Variants in TMEM132C observed in about 807,000 individuals in gnomAD.
The protein encoded by TMEM132C is transmembrane protein 132C.
A neutral mutation model predicts 61.4 loss-of-function variants in TMEM132C; 29 were observed. The observed-to-expected ratio is 0.47, with a 90% CI of 0.35 to 0.64. TMEM132C has a LOEUF of 0.64. TMEM132C is among the 30% of genes least tolerant of loss of function. The pLI, the probability that TMEM132C is intolerant of heterozygous loss-of-function variation, is 0.00. For missense variants in TMEM132C, 1,408 were observed against 1,476.9 expected (o/e 0.95, Z 0.76); for synonymous variants, 656 against 633.1 (o/e 1.04, Z -0.54).
chr12:128,398,646 C>A (rs1441178333), intron 1 of TMEM132C, among the ~76,000 whole-genome samples: 2 of 152,224 alleles, frequency 1.3e-5, no homozygotes, highest in African/African-American at 4.8e-5. Context: ...GAATTCTTAG[C>A]TGTGTGACCT....
At chr12:128,401,603 A>G (rs1875160301) in intron 1 of TMEM132C, among the ~76,000 whole-genome samples, 1 of 152,174 alleles carries the variant, frequency 6.6e-6, no homozygotes, top group Non-Finnish European at 1.5e-5. Flanking sequence ...AAGTTTCATC[A>G]AAGTCTGATC....
At chr12:128,545,749 T>C (rs1873927197) in intron 3 of TMEM132C, among the ~76,000 whole-genome samples, 1 of 152,220 alleles carries the variant, frequency 6.6e-6, no homozygotes. Context: ...TGGCCACTTG[T>C]ATGTCCAAGA....
Position 128,414,554 on chromosome 12 carries a change from G to A in TMEM132C, c.86-178G>A, listed in dbSNP as rs557456190. ...CCTAATATAACTATATGCATAATTC[G>A]TGGACCATGTAGAATCGTTTAATGA... On this transcript the variant is annotated intron_variant, in intron 1 of 8. Transcript: ENST00000435159. Among the ~76,000 whole-genome samples the A allele has an allele frequency of 2.6e-5, 4 of 152,150 alleles. No individual in the cohort carries two copies. In the South Asian group the frequency reaches 6.2e-4, roughly 24 times the overall value.
chr12:128,491,961 G>A (rs1425828294), intron 2 of TMEM132C, among the ~76,000 whole-genome samples: 8 of 151,296 alleles, frequency 5.3e-5, no homozygotes, highest in Admixed American at 2.6e-4. Flanking sequence ...TTAACTCGTC[G>A]TTTACATTAG....
At chr12:128,409,735 C>T (rs1868466392) in intron 1 of TMEM132C, among the ~76,000 whole-genome samples, 1 of 152,146 alleles carries the variant, frequency 6.6e-6, no homozygotes, top group South Asian at 2.1e-4. Context: ...TCAGTATCGC[C>T]ACTCGGTGTG....
intron 1 of TMEM132C, among the ~76,000 whole-genome samples, chr12:128,364,291 T>TTC (rs367571547): frequency 1.5e-5 from 2 of 131,128 alleles, no homozygotes; most frequent in Non-Finnish European, 3.3e-5. Flanking sequence ...CCCCCTATCT[T>TTC]TCTCTCTCTC....
intron 2 of TMEM132C, among the ~76,000 whole-genome samples, chr12:128,512,311 C>A (rs1208839532): frequency 6.6e-6 from 1 of 152,096 alleles, no homozygotes; most frequent in African/African-American, 2.4e-5. Context: ...CAAATATAAG[C>A]AAGTATGATA....
intron 5 of TMEM132C, among the ~76,000 whole-genome samples, chr12:128,675,090 T>C (rs1954570549): frequency 6.6e-6 from 1 of 152,184 alleles, no homozygotes; most frequent in Non-Finnish European, 1.5e-5. Flanking sequence ...TTTTCTTTCC[T>C]TCATTCTTTC....
chr12:128,461,442 A>G (rs1870531717), intron 2 of TMEM132C, among the ~76,000 whole-genome samples: 1 of 151,468 alleles, frequency 6.6e-6, no homozygotes, highest in African/African-American at 2.4e-5. Context: ...AAAAACAAAC[A>G]AACAAAACAA....
intron 3 of TMEM132C, among the ~76,000 whole-genome samples, chr12:128,598,805 G>T (rs1876061729): frequency 6.7e-6 from 1 of 149,958 alleles, no homozygotes; most frequent in Non-Finnish European, 1.5e-5. Flanking sequence ...TTACTGTAAT[G>T]CTGGGACCAT....
chr12:128,376,530 C>A (rs1397625320), intron 1 of TMEM132C, among the ~76,000 whole-genome samples: 1 of 152,142 alleles, frequency 6.6e-6, no homozygotes, highest in Non-Finnish European at 1.5e-5. Flanking sequence ...AACTCATGAA[C>A]TTGAAGCATG....
chr12:128,498,486 G>A (rs1272057995), intron 2 of TMEM132C, among the ~76,000 whole-genome samples: 1 of 152,206 alleles, frequency 6.6e-6, no homozygotes, highest in South Asian at 2.1e-4. Context: ...GACCATCCTG[G>A]CTAACATGGT....
At chr12:128,406,212 A>G (rs1223411909) in intron 1 of TMEM132C, among the ~76,000 whole-genome samples, 2 of 152,200 alleles carry the variant, frequency 1.3e-5, no homozygotes, top group African/African-American at 4.8e-5. Context: ...AATGGTGTCT[A>G]CATTTTCCCT....
intron 1 of TMEM132C, among the ~76,000 whole-genome samples, chr12:128,276,112 G>A (rs1298044734): frequency 2.0e-5 from 3 of 152,174 alleles, no homozygotes; most frequent in Non-Finnish European, 4.4e-5. Flanking sequence ...TCTGAAAAGA[G>A]ATTTTTTTCT....
chr12:128,512,914 C>A (rs750968528), intron 2 of TMEM132C, among the ~76,000 whole-genome samples: 4 of 152,200 alleles, frequency 2.6e-5, no homozygotes, highest in Admixed American at 6.5e-5. Context: ...CGCTCTCAAT[C>A]TGAGTTCATG....
intron 1 of TMEM132C, among the ~76,000 whole-genome samples, chr12:128,305,582 CA>C (rs1871744836): frequency 1.3e-5 from 2 of 149,692 alleles, no homozygotes; most frequent in African/African-American, 4.9e-5. Flanking sequence ...TCTGGAATGA[CA>C]AAACCACAGC....
intron 1 of TMEM132C, among the ~76,000 whole-genome samples, chr12:128,290,850 A>AC (rs200027928): frequency 1.1e-3 from 159 of 147,340 alleles, no homozygotes; most frequent in Middle Eastern, 7.0e-3. Context: ...TCATTTAACA[A>AC]AAAAAAAAAA....
chr12:128,374,015 A>G (rs1313826574), intron 1 of TMEM132C, among the ~76,000 whole-genome samples: 1 of 152,090 alleles, frequency 6.6e-6, no homozygotes, highest in Non-Finnish European at 1.5e-5. Flanking sequence ...CTCTCATGTA[A>G]CCTCTGTGCT....
At chr12:128,377,125 G>A (rs993046687) in intron 1 of TMEM132C, among the ~76,000 whole-genome samples, 10 of 151,722 alleles carry the variant, frequency 6.6e-5, no homozygotes, top group African/African-American at 2.4e-4. Context: ...TGTGATCTCA[G>A]CTCACTGCAA....
Sources: allele counts gnomAD v4.1 joint callset (sites outside exome capture counted in the v4.1 genomes callset), GRCh38; gene constraint gnomAD v4.1.1; transcripts MANE v1.5; gene names NCBI Gene and HGNC (gene_info 2026-07-23, HGNC 2026-07-21).